The following RFC3 variants were observed in gnomAD, a reference collection of about 807,000 sequenced individuals.
RFC3 encodes the protein A1 38 kDa subunit.
In RFC3, 41 loss-of-function variants were observed where a neutral mutation model predicts 45.1. The ratio of observed to expected loss-of-function variants is 0.91; its 90% CI spans 0.71 to 1.18. RFC3 has a LOEUF of 1.18. RFC3 is among the 50% of genes most tolerant of loss of function. RFC3 has a pLI of 0.00. For synonymous variants in RFC3, 149 were observed against 144.0 expected (o/e 1.03, Z -0.25); for missense variants, 423 against 428.1 (o/e 0.99, Z 0.10).
intron 8 of RFC3, among the ~76,000 whole-genome samples, chr13:33,835,816 T>C (rs1435535484): frequency 6.6e-6 from 1 of 152,172 alleles, no homozygotes. Context: ...ATTATTGTTA[T>C]TATAAATAGT....
intron 8 of RFC3, among the ~76,000 whole-genome samples, chr13:33,909,710 C>A (rs887478167): frequency 1.2e-4 from 18 of 152,082 alleles, no homozygotes; most frequent in African/African-American, 3.9e-4. Context: ...TGTGATGGCT[C>A]CTCTTTTGAG....
At chr13:33,871,760 A>T (rs974099468) in intron 8 of RFC3, among the ~76,000 whole-genome samples, 1 of 152,198 alleles carries the variant, frequency 6.6e-6, no homozygotes, top group African/African-American at 2.4e-5. Context: ...AGTAACATTT[A>T]TGTAACATTG....
At chr13:33,928,239 G>A (rs1011296388) in intron 8 of RFC3, among the ~76,000 whole-genome samples, 7 of 152,082 alleles carry the variant, frequency 4.6e-5, no homozygotes, top group Non-Finnish European at 8.8e-5. Flanking sequence ...AAGAAAGACT[G>A]AGTCAATCAT....
chr13:33,932,752 A>G (rs2082860538), intron 8 of RFC3, among the ~76,000 whole-genome samples: 1 of 152,172 alleles, frequency 6.6e-6, no homozygotes, highest in Admixed American at 6.5e-5. Context: ...ATGCTAGTCT[A>G]TGTATTTTTT....
At chr13:33,876,086 C>G (rs1250356207) in intron 8 of RFC3, among the ~76,000 whole-genome samples, 6 of 152,122 alleles carry the variant, frequency 3.9e-5, no homozygotes, top group Admixed American at 3.9e-4. Context: ...CCTATTGTAT[C>G]CAAAGATTCT....
At chr13:33,956,630 G>A (rs563768122) in intron 8 of RFC3, among the ~76,000 whole-genome samples, 4 of 152,160 alleles carry the variant, frequency 2.6e-5, no homozygotes, top group Non-Finnish European at 5.9e-5. Context: ...TAGAACTTCT[G>A]TATCAAGAAC....
chr13:33,868,708 C>T (rs1269978203), intron 8 of RFC3, among the ~76,000 whole-genome samples: 1 of 152,176 alleles, frequency 6.6e-6, no homozygotes, highest in African/African-American at 2.4e-5. Flanking sequence ...GGAGCCTGCT[C>T]CCACTCTGTG....
chr13:33,954,970 A>G (rs766108046), intron 8 of RFC3, among the ~76,000 whole-genome samples: 1 of 152,098 alleles, frequency 6.6e-6, no homozygotes, highest in South Asian at 2.1e-4. Context: ...TCCAGCAAAC[A>G]TTTTACTTCA....
chr13:33,923,893 G>T (rs2137742750), intron 8 of RFC3, among the ~76,000 whole-genome samples: 1 of 152,262 alleles, frequency 6.6e-6, no homozygotes, highest in Admixed American at 6.5e-5. Context: ...AGGAAAAGTA[G>T]AGAAAGTCAC....
rs777039237 is a variant in RFC3, at chr13:33,818,199, G to T, written c.21G>T (p.Lys7Asn). MSLWVD[K>N]YRPCSLGRLD... ...CTGCCATGAGCCTCTGGGTGGACAA[G>T]TATCGGCCCTGCTCCTTGGGACGGC... is the stretch of plus-strand genomic sequence containing the variant. The change falls in exon 1 of 9, where the codon AAG becomes AAT. Residue 7 changes from lysine (K) to asparagine (N), a missense_variant. Lys to Asn is a moderately conservative substitution (Grantham distance 94, BLOSUM62 0). Transcript: ENST00000380071. 1 of 1,613,536 alleles carries T rather than the reference G, an allele frequency of 6.2e-7. No individual in the cohort carries two copies. Among genetic ancestry groups the T allele is most frequent in the East Asian group, 2.2e-5 (1 of 44,882 alleles).
At chr13:33,968,099 C>T (rs1470596911), downstream of RFC3, among the ~76,000 whole-genome samples, 1 of 152,130 alleles carries the variant, frequency 6.6e-6, no homozygotes, top group African/African-American at 2.4e-5. Context: ...AACACCTTAC[C>T]TCTCTAAAGC....
rs563098520 is a variant in RFC3, at chr13:33,830,991, C to T, written c.710+136C>T. ...TGGTTTCAGGATGAAATTGTTCCAC[C>T]TCAGATTATTAAGCATTAGATTTTC... On this transcript the variant is annotated intron_variant, in intron 6 of 8. Coordinates refer to ENST00000380071, the MANE Select transcript of RFC3 (RefSeq NM_002915.4). 38 of 690,922 alleles carry T rather than the reference C, an allele frequency of 5.5e-5. No individual in the cohort carries two copies. In the South Asian group the frequency reaches 7.1e-4, roughly 13 times the overall value. The allele number at this position is 690,922 out of a possible 1,614,324, so 42.8% of individuals were successfully genotyped here.
chr13:33,872,275 A>G (rs1033111587), intron 8 of RFC3, among the ~76,000 whole-genome samples: 1 of 152,250 alleles, frequency 6.6e-6, no homozygotes, highest in Non-Finnish European at 1.5e-5. Flanking sequence ...GAAGGTCGTC[A>G]GCGTGGAGAG....
chr13:33,919,120 C>T (rs9563931), intron 8 of RFC3, among the ~76,000 whole-genome samples: 10,865 of 152,062 alleles, frequency 0.071, 639 homozygotes, highest in African/African-American at 0.16. Flanking sequence ...CTGAGTCGTC[C>T]CAAACAATCA....
At chr13:33,870,870 T>C (rs753365973) in intron 8 of RFC3, among the ~76,000 whole-genome samples, 22 of 152,242 alleles carry the variant, frequency 1.4e-4, no homozygotes, top group Non-Finnish European at 2.8e-4. Context: ...ATTATCTGGC[T>C]TTATCATTGC....
chr13:33,846,579 G>C (rs2082238543), intron 8 of RFC3: 1 of 152,586 alleles, frequency 6.6e-6, no homozygotes, highest in South Asian at 2.1e-4. Flanking sequence ...GATTGGAGGA[G>C]GGGTGATGCA....
intron 8 of RFC3, among the ~76,000 whole-genome samples, chr13:33,929,098 T>C (rs956965115): frequency 6.6e-6 from 1 of 152,160 alleles, no homozygotes; most frequent in African/African-American, 2.4e-5. Flanking sequence ...TACCTAGTTG[T>C]TCGTAAAATA....
At chr13:33,925,097 C>CA (rs1247932622) in intron 8 of RFC3, among the ~76,000 whole-genome samples, 44 of 140,224 alleles carry the variant, frequency 3.1e-4, no homozygotes, top group African/African-American at 8.5e-4. Context: ...ATATAGTGTA[C>CA]TATATACACG....
At chr13:33,934,686 C>G (rs1285034955) in intron 8 of RFC3, among the ~76,000 whole-genome samples, 1 of 152,098 alleles carries the variant, frequency 6.6e-6, no homozygotes, top group Non-Finnish European at 1.5e-5. Context: ...CTTGCCTAGC[C>G]CTGATTTTGT....
Sources: gnomAD v4.1 joint callset for allele counts (sites outside exome capture counted in the v4.1 genomes callset) on GRCh38, gnomAD v4.1.1 for gene constraint, MANE v1.5 for transcripts, NCBI Gene and HGNC (gene_info 2026-07-23, HGNC 2026-07-21) for gene names.